GPC5: variants seen among roughly 807,000 people sequenced by gnomAD.
GPC5 encodes the protein glypican 5.
In GPC5, 47 loss-of-function variants were observed where a neutral mutation model predicts 53.9. The ratio of observed to expected loss-of-function variants is 0.87; its 90% CI spans 0.69 to 1.11. The LOEUF is 1.11. Among genes scored for constraint, GPC5 ranks in the 50% most tolerant of loss-of-function variants. The pLI is 0.00. For synonymous variants in GPC5, 286 were observed against 263.3 expected, an observed-to-expected ratio of 1.09 and a Z score of -0.84; for missense variants, 748 against 713.1, an observed-to-expected ratio of 1.05 and a Z score of -0.56.
At chr13:92,380,545 C>G (rs560986828) in intron 7 of GPC5, among the ~76,000 whole-genome samples, 117 of 151,948 alleles carry the variant, frequency 7.7e-4, no homozygotes, top group Middle Eastern at 6.8e-3. Flanking sequence ...AAATGTCCAA[C>G]AATGATAGAC....
At chr13:92,537,355 G>A (rs1881760026) in intron 7 of GPC5, among the ~76,000 whole-genome samples, 2 of 152,014 alleles carry the variant, frequency 1.3e-5, no homozygotes, top group South Asian at 4.1e-4. Flanking sequence ...CGATTTCAAA[G>A]GCAACTCTAA....
chr13:91,831,339 G>A (rs2038656134), intron 5 of GPC5, among the ~76,000 whole-genome samples: 1 of 151,696 alleles, frequency 6.6e-6, no homozygotes, highest in African/African-American at 2.4e-5. Flanking sequence ...TTCCCTTGAA[G>A]CTGATTAGAT....
chr13:91,725,517 C>T (rs1262983852), intron 3 of GPC5, among the ~76,000 whole-genome samples: 1 of 152,054 alleles, frequency 6.6e-6, no homozygotes, highest in Non-Finnish European at 1.5e-5. Context: ...TCCCTCATAG[C>T]AAGTCAACAA....
intron 6 of GPC5, among the ~76,000 whole-genome samples, chr13:91,925,765 A>C (rs1159953181): frequency 6.6e-6 from 1 of 152,174 alleles, no homozygotes; most frequent in Non-Finnish European, 1.5e-5. Context: ...AAAAGGAAAA[A>C]GAGGAATCCC....
intron 7 of GPC5, among the ~76,000 whole-genome samples, chr13:92,612,427 A>G (rs1299691175): frequency 6.6e-6 from 1 of 152,126 alleles, no homozygotes; most frequent in Non-Finnish European, 1.5e-5. Context: ...TATCTATTAT[A>G]TTCTTTATAC....
At chr13:92,077,015 C>A in intron 6 of GPC5, among the ~76,000 whole-genome samples, 1 of 152,124 alleles carries the variant, frequency 6.6e-6, no homozygotes, top group East Asian at 1.9e-4. Context: ...CCTTTGATCC[C>A]AGGTCTTCAG....
chr13:91,677,113 C>T (rs186043335), intron 2 of GPC5, among the ~76,000 whole-genome samples: 3 of 152,246 alleles, frequency 2.0e-5, no homozygotes, highest in East Asian at 1.9e-4. Flanking sequence ...AAATAATGCT[C>T]ATGGTCATAT....
intron 5 of GPC5, among the ~76,000 whole-genome samples, chr13:91,799,536 T>C: frequency 6.7e-6 from 1 of 149,430 alleles, no homozygotes; most frequent in East Asian, 1.9e-4. Context: ...TATTTACCTC[T>C]CAATGCATAT....
intron 7 of GPC5, among the ~76,000 whole-genome samples, chr13:92,385,515 C>T (rs1460379564): frequency 1.5e-5 from 2 of 133,306 alleles, no homozygotes; most frequent in Non-Finnish European, 3.1e-5. Context: ...TACATATATA[C>T]ATACATATGC....
At chr13:92,485,960 C>T (rs1481098855) in intron 7 of GPC5, among the ~76,000 whole-genome samples, 5 of 152,194 alleles carry the variant, frequency 3.3e-5, no homozygotes, top group African/African-American at 9.7e-5. Flanking sequence ...GAGCAAAACT[C>T]TGTCTCAAAG....
In GPC5 at chr13:92,181,588, A is replaced by G. The variant is rs538480949; in HGVS notation, c.1561+36599A>G. Among the ~76,000 whole-genome samples the G allele has an allele frequency of 3.3e-5, 5 of 152,328 alleles. No individual in the cohort carries two copies. The East Asian group carries it at 9.6e-4, about 29-fold the overall frequency. ...TGTGCACATGTGGATTGTGTAAATGATAATGTGTATTATTAGGATTTAAAG... is the reference window on the plus strand; with the variant it reads ...TGTGCACATGTGGATTGTGTAAATGGTAATGTGTATTATTAGGATTTAAAG... On this transcript the variant is annotated intron_variant, in intron 7 of 7. Transcript: ENST00000377067.
chr13:92,563,855 C>G (rs1433853062), intron 7 of GPC5, among the ~76,000 whole-genome samples: 1 of 152,026 alleles, frequency 6.6e-6, no homozygotes, highest in Non-Finnish European at 1.5e-5. Flanking sequence ...ATCCTAAACA[C>G]TTTCATTCAT....
At chr13:91,665,977 C>T (rs114069090) in intron 2 of GPC5, among the ~76,000 whole-genome samples, 2,110 of 152,304 alleles carry the variant, frequency 0.014, 46 homozygotes, top group African/African-American at 0.048. Context: ...ATTCTCTAAT[C>T]TCTTTACCAT....
At chr13:91,500,099 T>C (rs1361957348) in intron 2 of GPC5, among the ~76,000 whole-genome samples, 3 of 152,196 alleles carry the variant, frequency 2.0e-5, no homozygotes, top group Non-Finnish European at 4.4e-5. Flanking sequence ...TCTTTGTCTG[T>C]CCTGTATCAA....
chr13:92,410,776 G>A (rs970305449), intron 7 of GPC5, among the ~76,000 whole-genome samples: 1 of 152,124 alleles, frequency 6.6e-6, no homozygotes, highest in Admixed American at 6.5e-5. Flanking sequence ...CAGTAGATTT[G>A]CAACTTTTAA....
chr13:91,672,153 T>C (rs969209711), intron 2 of GPC5, among the ~76,000 whole-genome samples: 4 of 152,172 alleles, frequency 2.6e-5, no homozygotes, highest in Non-Finnish European at 5.9e-5. Flanking sequence ...GTTGAAAACC[T>C]AGGCAATATG....
At chr13:91,964,025 C>T (rs113385979) in intron 6 of GPC5, among the ~76,000 whole-genome samples, 2,961 of 152,006 alleles carry the variant, frequency 0.019, 91 homozygotes, top group African/African-American at 0.068. Flanking sequence ...TTGGTCTCGC[C>T]GACTTCAAGA....
intron 7 of GPC5, among the ~76,000 whole-genome samples, chr13:92,831,912 G>A (rs77118012): frequency 0.015 from 2,299 of 152,230 alleles, 69 homozygotes; most frequent in African/African-American, 0.053. Flanking sequence ...GAGCAGAAAA[G>A]TACTCTGATT....
intron 7 of GPC5, among the ~76,000 whole-genome samples, chr13:92,602,285 T>G (rs1884104119): frequency 7.2e-6 from 1 of 139,666 alleles, no homozygotes; most frequent in Non-Finnish European, 1.6e-5. Flanking sequence ...CATGTATTTA[T>G]GAGTACTCTG....
Sources: gnomAD v4.1 joint callset for allele counts (sites outside exome capture counted in the v4.1 genomes callset) on GRCh38, gnomAD v4.1.1 for gene constraint, MANE v1.5 for transcripts, NCBI Gene and HGNC (gene_info 2026-07-23, HGNC 2026-07-21) for gene names.